LRRTM4: variants seen among roughly 807,000 people sequenced by gnomAD.
LRRTM4 encodes the protein leucine-rich repeat transmembrane neuronal protein 4.
Under a neutral mutation model 47.6 loss-of-function variants are expected in LRRTM4, and 25 were observed. The observed-to-expected ratio is 0.53, with a 90% confidence interval of 0.38 to 0.73. The LOEUF (loss-of-function observed/expected upper bound fraction) is 0.73, where lower values mean the gene tolerates loss of function less well. LRRTM4 is among the 30% of genes least tolerant of loss of function. The pLI, the probability that LRRTM4 is intolerant of heterozygous loss-of-function variation, is 0.00. For synonymous variants in LRRTM4, 311 were observed against 269.5 expected (o/e 1.15, Z -1.51); for missense variants, 638 against 713.4 (o/e 0.89, Z 1.20).
At chr2:77,139,188 C>T (rs556679447) in intron 3 of LRRTM4, among the ~76,000 whole-genome samples, 44 of 152,254 alleles carry the variant, frequency 2.9e-4, no homozygotes, top group African/African-American at 1.1e-3. Context: ...GAATTTTAGA[C>T]CAATATCCCT....
At chr2:77,516,793 C>A (rs1021289457) in intron 3 of LRRTM4, 14 of 978,208 alleles carry the variant, frequency 1.4e-5, no homozygotes, top group African/African-American at 3.5e-5. Flanking sequence ...AAAATGAATT[C>A]TTTGAAGAAC....
chr2:76,886,252 G>A (rs974427702), intron 3 of LRRTM4, among the ~76,000 whole-genome samples: 2 of 152,120 alleles, frequency 1.3e-5, no homozygotes, highest in African/African-American at 2.4e-5. Context: ...TTAACAATGA[G>A]CAATAGTCAT....
At chr2:77,411,618 A>ATTTTTTTTT (rs1222177148) in intron 3 of LRRTM4, among the ~76,000 whole-genome samples, 72 of 64,782 alleles carry the variant, frequency 1.1e-3, no homozygotes, top group Non-Finnish European at 1.3e-3. Context: ...ATGCCCGGCT[A>ATTTTTTTTT]TTTTTTTTTT....
intron 3 of LRRTM4, among the ~76,000 whole-genome samples, chr2:76,986,452 T>C (rs13413951): frequency 0.2 from 30,846 of 151,906 alleles, 3,417 homozygotes; most frequent in African/African-American, 0.29. Flanking sequence ...CTAAGTTACT[T>C]AGGTCTTTTC....
intron 3 of LRRTM4, among the ~76,000 whole-genome samples, chr2:76,985,805 G>A (rs569623979): frequency 1.2e-4 from 18 of 151,820 alleles, no homozygotes; most frequent in East Asian, 1.9e-4. Flanking sequence ...TACTACGCAC[G>A]CATCATTTTT....
At chr2:76,837,993 G>T (rs549921103) in intron 3 of LRRTM4, among the ~76,000 whole-genome samples, 24 of 151,738 alleles carry the variant, frequency 1.6e-4, no homozygotes, top group African/African-American at 5.3e-4. Context: ...GCTAAATGAC[G>T]AGTTAATGGG....
chr2:77,042,973 G>A (rs908857929), intron 3 of LRRTM4, among the ~76,000 whole-genome samples: 1 of 151,630 alleles, frequency 6.6e-6, no homozygotes, highest in South Asian at 2.1e-4. Flanking sequence ...TGGGCAGATG[G>A]TGGGGGTTTC....
intron 3 of LRRTM4, among the ~76,000 whole-genome samples, chr2:77,385,432 T>C (rs1401102902): frequency 1.3e-5 from 2 of 152,156 alleles, no homozygotes; most frequent in South Asian, 2.1e-4. Flanking sequence ...CTCTTAGCCA[T>C]TGTTGGCTTT....
intron 3 of LRRTM4, among the ~76,000 whole-genome samples, chr2:77,268,682 A>G (rs2104063492): frequency 1.3e-5 from 2 of 152,110 alleles, no homozygotes; most frequent in East Asian, 3.9e-4. Context: ...TACTCAATTT[A>G]TTTTAACTCT....
intron 3 of LRRTM4, among the ~76,000 whole-genome samples, chr2:76,871,006 G>C (rs115942732): frequency 0.012 from 1,804 of 152,226 alleles, 38 homozygotes; most frequent in African/African-American, 0.041. Flanking sequence ...TGCTTACAGA[G>C]CTACATCTTA....
At chr2:76,899,295 G>C (rs1482608107) in intron 3 of LRRTM4, among the ~76,000 whole-genome samples, 1 of 149,178 alleles carries the variant, frequency 6.7e-6, no homozygotes, top group Non-Finnish European at 1.5e-5. Flanking sequence ...ATTGGAGGGA[G>C]AGAAAGACTA....
rs560365137 is a variant in LRRTM4 at position 77,428,379 on chromosome 2, C to T, written c.1551+89939G>A. 2.6e-5 allele frequency among the ~76,000 whole-genome samples: 4 copies of T among 152,298 alleles called. No homozygotes were observed. In the South Asian group the frequency reaches 8.3e-4, roughly 32 times the overall value. ...CAAAAATCAGAAGGACATTAGGATA[C>T]ATATGGCAATTACATAAATGTAACT... On this transcript the variant is annotated intron_variant, in intron 3 of 3. Transcript: ENST00000409884.
intron 3 of LRRTM4, among the ~76,000 whole-genome samples, chr2:77,482,124 G>T (rs1417974476): frequency 2.6e-5 from 4 of 152,070 alleles, no homozygotes; most frequent in Non-Finnish European, 5.9e-5. Flanking sequence ...TTCAATCAGT[G>T]ATTTTTTTAA....
chr2:77,160,178 C>A (rs577275330), intron 3 of LRRTM4, among the ~76,000 whole-genome samples: 1 of 151,468 alleles, frequency 6.6e-6, no homozygotes, highest in South Asian at 2.1e-4. Context: ...TGAAGTTCTG[C>A]ACAACATCTG....
intron 3 of LRRTM4, among the ~76,000 whole-genome samples, chr2:77,129,847 C>T (rs2103972730): frequency 2.0e-5 from 3 of 152,220 alleles, no homozygotes; most frequent in African/African-American, 7.2e-5. Context: ...TAAGGTATAA[C>T]TTTGGGAGTA....
In LRRTM4 at chr2:76,982,528, A is replaced by G. The variant is rs553072044; in HGVS notation, c.1552-233612T>C. Among the ~76,000 whole-genome samples, 21 of 152,156 alleles carry G rather than the reference A, an allele frequency of 1.4e-4. No individual in the cohort carries two copies. In the East Asian group the frequency reaches 3.9e-3, roughly 28 times the overall value. ...ATTTTTTTGAGCATCATGCCTCCCT[A>G]TCAGTGAGACAGGGCGGACACTGGG... On this transcript the variant is annotated intron_variant, in intron 3 of 3. Transcript: ENST00000409884.
At chr2:77,010,298 C>T (rs75289545) in intron 3 of LRRTM4, among the ~76,000 whole-genome samples, 2,705 of 151,938 alleles carry the variant, frequency 0.018, 43 homozygotes, top group Non-Finnish European at 0.023. Flanking sequence ...TCCTTCCATC[C>T]CCTAGCCTTT....
At chr2:76,800,641 G>T (rs547029803) in intron 3 of LRRTM4, among the ~76,000 whole-genome samples, 154 of 133,582 alleles carry the variant, frequency 1.2e-3, no homozygotes, top group African/African-American at 4.3e-3. Flanking sequence ...CACAGCAAAA[G>T]AAACTACCAT....
chr2:76,861,751 A>G (rs756973103), intron 3 of LRRTM4, among the ~76,000 whole-genome samples: 1 of 152,212 alleles, frequency 6.6e-6, no homozygotes, highest in Non-Finnish European at 1.5e-5. Flanking sequence ...TTTAGTGCTT[A>G]TAACTCCAAA....
Sources: gnomAD v4.1 joint callset for allele counts (sites outside exome capture counted in the v4.1 genomes callset) on GRCh38, gnomAD v4.1.1 for gene constraint, MANE v1.5 for transcripts, NCBI Gene and HGNC (gene_info 2026-07-23, HGNC 2026-07-21) for gene names.